DCDC1: variants seen among roughly 807,000 people sequenced by gnomAD.
DCDC1 encodes the protein doublecortin domain containing 1, also known as doublecortin domain-containing protein 1.
In DCDC1, 200 loss-of-function variants were observed where a neutral mutation model predicts 178.3. That is an observed-to-expected ratio of 1.12 (90% CI 1.00 to 1.26). DCDC1 has a LOEUF of 1.26. Ranked by LOEUF, DCDC1 falls within the 50% of genes most tolerant of loss-of-function variation. The probability of loss-of-function intolerance (pLI) is 0.00; values close to 1 mark genes in which losing one functional copy is unlikely to be tolerated. For synonymous variants in DCDC1, 690 were observed against 604.8 expected, an observed-to-expected ratio of 1.14 and a Z score of -2.07; for missense variants, 1,983 against 1,749.2, an observed-to-expected ratio of 1.13 and a Z score of -2.38.
At chr11:31,295,758 A>T (rs1471506846) in intron 6 of DCDC1, among the ~76,000 whole-genome samples, 1 of 152,100 alleles carries the variant, frequency 6.6e-6, no homozygotes, top group Non-Finnish European at 1.5e-5. Flanking sequence ...AGTCTCTTGC[A>T]CTAAAATCCT....
chr11:30,895,341 C>T (rs1944114806), intron 34 of DCDC1, among the ~76,000 whole-genome samples: 1 of 152,154 alleles, frequency 6.6e-6, no homozygotes, highest in African/African-American at 2.4e-5. Flanking sequence ...ACCGGGAAAG[C>T]ACAAGATCTA....
intron 6 of DCDC1, among the ~76,000 whole-genome samples, chr11:31,294,139 G>A (rs891940093): frequency 6.6e-6 from 1 of 152,124 alleles, no homozygotes; most frequent in Non-Finnish European, 1.5e-5. Flanking sequence ...ACAGGCTCTG[G>A]CAGAGAAACT....
chr11:31,047,327 T>C (rs910525261), intron 20 of DCDC1, among the ~76,000 whole-genome samples: 2 of 152,238 alleles, frequency 1.3e-5, no homozygotes, highest in African/African-American at 2.4e-5. Flanking sequence ...TGTGTTGTCA[T>C]TGTTGAACAG....
chr11:30,924,375 G>C (rs971045011), intron 23 of DCDC1, among the ~76,000 whole-genome samples: 15 of 152,138 alleles, frequency 9.9e-5, no homozygotes, highest in African/African-American at 3.6e-4. Flanking sequence ...CAGTATTTAG[G>C]TTCAGGGCCT....
intron 8 of DCDC1, among the ~76,000 whole-genome samples, chr11:31,246,342 A>G (rs1943563310): frequency 6.6e-6 from 1 of 152,018 alleles, no homozygotes; most frequent in South Asian, 2.1e-4. Flanking sequence ...AGAAACTTCT[A>G]TATATTCTTT....
At position 30,888,102 on chromosome 11, in the gene DCDC1, GAA is replaced by G. The variant is rs1565029751; in HGVS notation, c.5082+4714_5082+4715del. Among the ~76,000 whole-genome samples, 38 of 47,692 alleles carry G rather than the reference GAA, an allele frequency of 8.0e-4. 1 individual carries two copies. Among genetic ancestry groups the G allele is most frequent in the African/African-American group, 2.9e-3 (34 of 11,632 alleles). 31.3% of individuals were successfully genotyped at this position (47,692 alleles called of 152,430 possible). A position where few individuals can be genotyped will look rare whatever the true frequency, so the allele number is the denominator to read the frequency against. ...AGAGAGAGAAAGAAAGAAAGAAAAA[GAA>G]AGAAAGAAAGAAAGAAAGAAAGAAA... On this transcript the variant is annotated intron_variant, in intron 36 of 38. Coordinates refer to ENST00000684477, the MANE Select transcript of DCDC1 (RefSeq NM_001387274.1).
At chr11:31,283,757 G>T (rs1430436330) in intron 7 of DCDC1, among the ~76,000 whole-genome samples, 1 of 151,980 alleles carries the variant, frequency 6.6e-6, no homozygotes, top group African/African-American at 2.4e-5. Flanking sequence ...CAGACCTTGT[G>T]GAGTTCACCC....
At chr11:31,117,430 C>G (rs1228044437) in intron 11 of DCDC1, among the ~76,000 whole-genome samples, 4 of 151,496 alleles carry the variant, frequency 2.6e-5, no homozygotes, top group Non-Finnish European at 4.4e-5. Context: ...CAAAGAATGG[C>G]ATGTCTCTTT....
At chr11:31,244,703 C>G (rs181882838) in intron 8 of DCDC1, among the ~76,000 whole-genome samples, 3 of 151,830 alleles carry the variant, frequency 2.0e-5, no homozygotes, top group Non-Finnish European at 3.0e-5. Context: ...TTAATCATCC[C>G]TTAAATTTAG....
chr11:31,225,709 G>A (rs2616820), intron 9 of DCDC1, among the ~76,000 whole-genome samples: 103,183 of 149,274 alleles, frequency 0.69, 36,551 homozygotes, highest in East Asian at 0.96. Context: ...ATATATCTAG[G>A]TAGATATATA....
chr11:31,191,892 T>C (rs1202699258), intron 9 of DCDC1, among the ~76,000 whole-genome samples: 1 of 152,086 alleles, frequency 6.6e-6, no homozygotes, highest in Non-Finnish European at 1.5e-5. Flanking sequence ...GTATACATTA[T>C]TGTAAAGAAG....
At chr11:31,108,603 C>G (rs1024053996) in intron 12 of DCDC1, among the ~76,000 whole-genome samples, 1 of 152,156 alleles carries the variant, frequency 6.6e-6, no homozygotes, top group Non-Finnish European at 1.5e-5. Context: ...AATGTGTGTA[C>G]AAAGAAGAGG....
intron 20 of DCDC1, among the ~76,000 whole-genome samples, chr11:31,016,273 G>A (rs2135158528): frequency 6.6e-6 from 1 of 152,296 alleles, no homozygotes; most frequent in East Asian, 1.9e-4. Context: ...TAGTGAAAGG[G>A]GAGTAGCATG....
chr11:30,944,852 A>C (rs1947902700), intron 21 of DCDC1, among the ~76,000 whole-genome samples: 1 of 151,914 alleles, frequency 6.6e-6, no homozygotes, highest in East Asian at 1.9e-4. Flanking sequence ...TATCTACTCC[A>C]CACAAAAGCT....
At chr11:31,052,656 C>T (rs1167093443) in intron 20 of DCDC1, among the ~76,000 whole-genome samples, 1 of 151,996 alleles carries the variant, frequency 6.6e-6, no homozygotes, top group African/African-American at 2.4e-5. Flanking sequence ...CAAACACTCT[C>T]GAAGACCACA....
At chr11:31,259,741 G>T (rs1283475844) in intron 8 of DCDC1, among the ~76,000 whole-genome samples, 1 of 152,158 alleles carries the variant, frequency 6.6e-6, no homozygotes, top group African/African-American at 2.4e-5. Flanking sequence ...ATGGGAGATT[G>T]CTTCCCAAGA....
chr11:31,058,350 G>A (rs186932283), intron 20 of DCDC1, among the ~76,000 whole-genome samples: 2 of 152,150 alleles, frequency 1.3e-5, no homozygotes, highest in East Asian at 1.9e-4. Flanking sequence ...ACCATGTACC[G>A]GGTATGTTCC....
chr11:31,282,645 A>G (rs967394545), intron 7 of DCDC1, among the ~76,000 whole-genome samples: 3 of 152,114 alleles, frequency 2.0e-5, no homozygotes, highest in African/African-American at 7.2e-5. Context: ...AAGTGAATGT[A>G]CCAGGTACAT....
At chr11:31,328,989 CCT>C (rs1949809695) in intron 2 of DCDC1, among the ~76,000 whole-genome samples, 1 of 49,870 alleles carries the variant, frequency 2.0e-5, no homozygotes, top group East Asian at 4.9e-4. Context: ...GTCCTTCATC[CCT>C]CTTTTTTGGA....
Sources: gnomAD v4.1 joint callset for allele counts (sites outside exome capture counted in the v4.1 genomes callset) on GRCh38, gnomAD v4.1.1 for gene constraint, MANE v1.5 for transcripts, NCBI Gene and HGNC (gene_info 2026-07-23, HGNC 2026-07-21) for gene names.